SLC24A3: variants seen among roughly 807,000 people sequenced by gnomAD.
SLC24A3 encodes sodium/potassium/calcium exchanger 3.
A neutral mutation model predicts 75.8 loss-of-function variants in SLC24A3; 28 were observed. That is an observed-to-expected ratio of 0.37 (90% CI 0.27 to 0.51). SLC24A3 has a LOEUF of 0.51. SLC24A3 is among the 20% of genes least tolerant of loss of function. SLC24A3 has a pLI of 0.94. For synonymous variants in SLC24A3, 372 were observed against 334.1 expected (o/e 1.11, Z -1.24); for missense variants, 663 against 847.8 (o/e 0.78, Z 2.71).
chr20:19,690,171 G>A (rs2032729925), intron 12 of SLC24A3, among the ~76,000 whole-genome samples: 1 of 151,712 alleles, frequency 6.6e-6, no homozygotes, highest in South Asian at 2.1e-4. Flanking sequence ...TTAAATATAT[G>A]ATTCAGATAA....
At chr20:19,401,296 T>TAGTGAGAGTCTTGG (rs1487434611) in intron 2 of SLC24A3, among the ~76,000 whole-genome samples, 1 of 152,088 alleles carries the variant, frequency 6.6e-6, no homozygotes, top group Admixed American at 6.6e-5. Context: ...CTCTCACGGG[T>TAGTGAGAGTCTTGG]AGTCTTGGAG....
intron 2 of SLC24A3, among the ~76,000 whole-genome samples, chr20:19,373,724 G>A (rs1180698025): frequency 1.3e-5 from 2 of 152,230 alleles, no homozygotes; most frequent in Non-Finnish European, 2.9e-5. Context: ...TAGGTGAGGG[G>A]AGAAATTTAG....
chr20:19,637,423 C>T (rs192657902), intron 6 of SLC24A3, among the ~76,000 whole-genome samples: 2 of 152,088 alleles, frequency 1.3e-5, no homozygotes, highest in Admixed American at 6.5e-5. Context: ...GAGAGACATA[C>T]GGAATATTTT....
chr20:19,583,950 C>T (rs190029659), intron 4 of SLC24A3, among the ~76,000 whole-genome samples: 29 of 152,302 alleles, frequency 1.9e-4, no homozygotes, highest in African/African-American at 6.7e-4. Flanking sequence ...TTGTGGGTCA[C>T]TCAATGGAGG....
rs368440138 is a variant in SLC24A3, at chr20:19,514,603, C to T, written c.272-885C>T. The stretch of plus-strand genomic sequence containing the variant: ...TCCTCCAGCAAAGGAGCCGTGGATT[C>T]CTATCGGAGGGACCACAGGAGGCTT... On this transcript the variant is annotated intron_variant, in intron 2 of 16. Coordinates refer to ENST00000328041, the MANE Select transcript of SLC24A3 (RefSeq NM_020689.4). Among the ~76,000 whole-genome samples, 28 of 152,240 alleles carry T rather than the reference C, an allele frequency of 1.8e-4. 1 individual carries two copies. The highest frequency in any genetic ancestry group is 6.7e-4 in the African/African-American group (28 of 41,548).
At position 19,385,854 on chromosome 20, in the gene SLC24A3, C is replaced by T. The variant is rs539007818; in HGVS notation, c.271+104767C>T. ...CTCAAACTGTGTTGCCCAGGCTGGT[C>T]TCAAACTCCTGAGCTCAAGCAGTCC... is the stretch of plus-strand genomic sequence containing the variant. On this transcript the variant is annotated intron_variant, in intron 2 of 16. Transcript: ENST00000328041. Among the ~76,000 whole-genome samples, 91 of 152,246 alleles carry T rather than the reference C, an allele frequency of 6.0e-4. 1 individual carries two copies. The highest frequency in any genetic ancestry group is 2.1e-3 in the African/African-American group (87 of 41,530).
At chr20:19,334,480 G>C (rs1050465705) in intron 2 of SLC24A3, among the ~76,000 whole-genome samples, 4 of 151,794 alleles carry the variant, frequency 2.6e-5, no homozygotes, top group African/African-American at 9.7e-5. Flanking sequence ...ATTTTTTTCT[G>C]AGCTCTCATA....
intron 2 of SLC24A3, among the ~76,000 whole-genome samples, chr20:19,307,821 G>T (rs767575080): frequency 2.6e-5 from 4 of 152,134 alleles, no homozygotes; most frequent in Non-Finnish European, 5.9e-5. Context: ...TGTCTTGTTT[G>T]TAAAGCCCTT....
At chr20:19,600,324 T>A (rs2031512946) in intron 6 of SLC24A3, among the ~76,000 whole-genome samples, 1 of 152,184 alleles carries the variant, frequency 6.6e-6, no homozygotes, top group South Asian at 2.1e-4. Context: ...CATATTCATA[T>A]GAAGGCTTCA....
chr20:19,371,458 C>G (rs936276670), intron 2 of SLC24A3, among the ~76,000 whole-genome samples: 2 of 152,140 alleles, frequency 1.3e-5, no homozygotes, highest in Admixed American at 1.3e-4. Flanking sequence ...GCATTATGGA[C>G]AAGACCCCAA....
At chr20:19,681,431 CCTT>C (rs2032614773) in intron 9 of SLC24A3, among the ~76,000 whole-genome samples, 1 of 152,146 alleles carries the variant, frequency 6.6e-6, no homozygotes, top group Non-Finnish European at 1.5e-5. Context: ...AGCAGCTTCT[CCTT>C]CTCCCAAAAA....
intron 11 of SLC24A3, 25 bp downstream of exon 11, chr20:19,684,361 G>T (rs951240461): frequency 2.5e-6 from 4 of 1,605,826 alleles, no homozygotes; most frequent in Non-Finnish European, 3.4e-6. Context: ...ACTGTCCACT[G>T]CCCACTGGAC....
intron 2 of SLC24A3, among the ~76,000 whole-genome samples, chr20:19,449,566 G>A (rs1211918882): frequency 6.6e-6 from 1 of 152,208 alleles, no homozygotes; most frequent in Non-Finnish European, 1.5e-5. Flanking sequence ...GGGATGTCCA[G>A]GCCTATGGCT....
intron 1 of SLC24A3, among the ~76,000 whole-genome samples, chr20:19,264,810 GA>G (rs1771346296): frequency 1.3e-5 from 2 of 151,906 alleles, no homozygotes; most frequent in South Asian, 4.2e-4. Context: ...CTCACCTAGT[GA>G]GGAACGGAAG....
intron 6 of SLC24A3, among the ~76,000 whole-genome samples, chr20:19,632,414 C>G (rs984956621): frequency 6.6e-5 from 10 of 152,142 alleles, no homozygotes; most frequent in African/African-American, 2.4e-4. Context: ...GGCCACCTAC[C>G]TTCCTTGACT....
At chr20:19,609,259 C>T (rs1400089311) in intron 6 of SLC24A3, among the ~76,000 whole-genome samples, 1 of 151,810 alleles carries the variant, frequency 6.6e-6, no homozygotes, top group African/African-American at 2.4e-5. Context: ...GGGGAAATTA[C>T]ACCAAGGAAC....
Position 19,286,571 on chromosome 20 carries a change from G to A in SLC24A3, c.271+5484G>A, listed in dbSNP as rs75310684. ...CAAGAACCAGAGGGGATAAACAACC[G>A]CCCAAGGTCAGAGGGCTTGTCAGAA... On this transcript the variant is annotated intron_variant, in intron 2 of 16. Coordinates refer to ENST00000328041, the MANE Select transcript of SLC24A3 (RefSeq NM_020689.4). 2.3e-3 allele frequency among the ~76,000 whole-genome samples: 346 copies of A among 152,208 alleles called. 1 individual carries two copies. Among genetic ancestry groups the A allele is most frequent in the African/African-American group, 7.6e-3 (317 of 41,520 alleles).
chr20:19,385,552 G>C (rs146490039), intron 2 of SLC24A3, among the ~76,000 whole-genome samples: 1,827 of 152,122 alleles, frequency 0.012, 36 homozygotes, highest in African/African-American at 0.039. Flanking sequence ...TTTGAAGTCA[G>C]GTGGCGTGAT....
rs1383373589 is a variant in SLC24A3, at chr20:19,346,231, GTA to G, written c.271+65154_271+65155del. Among the ~76,000 whole-genome samples the G allele has an allele frequency of 1.8e-3, 127 of 69,516 alleles. 15 individuals are homozygous for G. The highest frequency in any genetic ancestry group is 8.1e-3 in the African/African-American group (90 of 11,088). The allele number at this position is 69,516 out of a possible 152,430, so 45.6% of individuals were successfully genotyped here. A position where few individuals can be genotyped will look rare whatever the true frequency, so the allele number is the denominator to read the frequency against. On this transcript the variant is annotated intron_variant, in intron 2 of 16. Coordinates refer to ENST00000328041, the MANE Select transcript of SLC24A3 (RefSeq NM_020689.4). The stretch of plus-strand genomic sequence containing the variant: ...TATATATGGTGTATATGTATATATG[GTA>G]TATATATATGGTGTATATATATATG...
Sources: allele counts gnomAD v4.1 joint callset (sites outside exome capture counted in the v4.1 genomes callset), GRCh38; gene constraint gnomAD v4.1.1; transcripts MANE v1.5; gene names NCBI Gene and HGNC (gene_info 2026-07-23, HGNC 2026-07-21).